Variants in FAM107B observed in about 807,000 individuals in gnomAD.
FAM107B encodes family with sequence similarity 107 member B.
A neutral mutation model predicts 31.5 loss-of-function variants in FAM107B; 21 were observed. The ratio of observed to expected loss-of-function variants is 0.67; its 90% CI spans 0.47 to 0.96. The LOEUF (loss-of-function observed/expected upper bound fraction) is 0.96. Among genes scored for constraint, FAM107B ranks in the 40% least tolerant of loss-of-function variants. FAM107B has a pLI of 0.00. For synonymous variants in FAM107B, 157 were observed against 141.5 expected, an observed-to-expected ratio of 1.11 and a Z score of -0.78; for missense variants, 452 against 377.1, an observed-to-expected ratio of 1.20 and a Z score of -1.64.
At chr10:14,724,937 T>C (rs1353770922) in intron 1 of FAM107B, among the ~76,000 whole-genome samples, 1 of 152,120 alleles carries the variant, frequency 6.6e-6, no homozygotes, top group Non-Finnish European at 1.5e-5. Flanking sequence ...AAAGTAAACA[T>C]TTGCAGAACC....
Position 14,520,012 on chromosome 10 carries a change from TGA to T in FAM107B, c.*1176_*1177del, listed in dbSNP as rs1434534891. 6.6e-6 allele frequency: 1 copy of T among 152,638 alleles called. No individual in the cohort carries two copies. The highest frequency in any genetic ancestry group is 1.5e-5 in the Non-Finnish European group (1 of 68,054). The allele number at this position is 152,638 out of a possible 1,614,324, so 9.5% of individuals were successfully genotyped here. A position where few individuals can be genotyped will look rare whatever the true frequency, so the allele number is the denominator to read the frequency against. ...CCCCTCCCTTCCCATCAGCTGTTCC[TGA>T]GAGATGCAATATAGTAGTCATCGAC... On this transcript the variant is annotated 3_prime_UTR_variant, in exon 5 of 5. Transcript: ENST00000181796.
At chr10:14,642,671 T>A (rs998331899) in intron 2 of FAM107B, among the ~76,000 whole-genome samples, 1 of 152,236 alleles carries the variant, frequency 6.6e-6, no homozygotes, top group African/African-American at 2.4e-5. Context: ...TTCTTGTTTC[T>A]TTTGGCTTAA....
At chr10:14,693,141 C>A (rs770332901) in intron 1 of FAM107B, among the ~76,000 whole-genome samples, 7 of 152,130 alleles carry the variant, frequency 4.6e-5, no homozygotes, top group Non-Finnish European at 7.4e-5. Flanking sequence ...AATTAGTCTA[C>A]CTCTGTGTGT....
intron 1 of FAM107B, among the ~76,000 whole-genome samples, chr10:14,744,390 T>C (rs1832684480): frequency 6.6e-6 from 1 of 152,160 alleles, no homozygotes; most frequent in African/African-American, 2.4e-5. Context: ...CTATGTTGAA[T>C]AGGAATGGTG....
At chr10:14,584,998 C>CTT (rs1851777703) in intron 2 of FAM107B, among the ~76,000 whole-genome samples, 1 of 152,142 alleles carries the variant, frequency 6.6e-6, no homozygotes, top group Non-Finnish European at 1.5e-5. Context: ...TGATTGCTCC[C>CTT]CTCTTGCTGA....
chr10:14,763,583 G>A (rs567313332), intron 1 of FAM107B, among the ~76,000 whole-genome samples: 140 of 152,296 alleles, frequency 9.2e-4, no homozygotes, highest in Non-Finnish European at 1.8e-3. Context: ...TACGCAGCCA[G>A]GTCAGAAGGG....
At chr10:14,765,423 C>T (rs948363880) in intron 1 of FAM107B, among the ~76,000 whole-genome samples, 1 of 152,164 alleles carries the variant, frequency 6.6e-6, no homozygotes, top group Non-Finnish European at 1.5e-5. Context: ...CAAGAAGCTG[C>T]CTCTCTCTTT....
chr10:14,585,595 A>G (rs1255118096), intron 2 of FAM107B, among the ~76,000 whole-genome samples: 2 of 152,226 alleles, frequency 1.3e-5, no homozygotes, highest in Non-Finnish European at 2.9e-5. Flanking sequence ...TAGCTTATCA[A>G]TGACAAAACA....
At chr10:14,597,621 G>A (rs1290799588) in intron 2 of FAM107B, among the ~76,000 whole-genome samples, 2 of 152,196 alleles carry the variant, frequency 1.3e-5, no homozygotes, top group Non-Finnish European at 2.9e-5. Context: ...CCCTGTGTCC[G>A]CATCTTGACA....
At chr10:14,526,906 CAGCTCACTGCA>C (rs1354988362) in intron 3 of FAM107B, among the ~76,000 whole-genome samples, 2 of 151,500 alleles carry the variant, frequency 1.3e-5, no homozygotes, top group Non-Finnish European at 2.9e-5. Context: ...GGCGCCATCT[CAGCTCACTGCA>C]AGCTCCGCCT....
chr10:14,543,731 A>G (rs981876876), intron 2 of FAM107B, among the ~76,000 whole-genome samples: 1 of 151,908 alleles, frequency 6.6e-6, no homozygotes, highest in Non-Finnish European at 1.5e-5. Context: ...CATATGGTGA[A>G]GCTTAACTGA....
chr10:14,527,456 G>A (rs1846407655), intron 3 of FAM107B, among the ~76,000 whole-genome samples: 1 of 152,218 alleles, frequency 6.6e-6, no homozygotes, highest in African/African-American at 2.4e-5. Flanking sequence ...AATGTAACTG[G>A]AAAAACTGAA....
chr10:14,604,432 G>A, intron 2 of FAM107B: 1 of 171,930 alleles, frequency 5.8e-6, no homozygotes, highest in Non-Finnish European at 1.1e-5. Context: ...TCCGAATTAA[G>A]CGGCGGGGCG....
At chr10:14,629,521 A>T (rs12355217) in intron 2 of FAM107B, among the ~76,000 whole-genome samples, 30,878 of 97,492 alleles carry the variant, frequency 0.32, 6,471 homozygotes, top group East Asian at 0.62. Context: ...ATATATATAT[A>T]TTTTTTTTTG....
chr10:14,630,723 A>G (rs1262500674), intron 2 of FAM107B, among the ~76,000 whole-genome samples: 1 of 151,822 alleles, frequency 6.6e-6, no homozygotes, highest in Non-Finnish European at 1.5e-5. Flanking sequence ...TGATGGCATT[A>G]GCCTGTAGTC....
chr10:14,521,809 C>A (rs1845667390), intron 4 of FAM107B, 60 bp downstream of exon 4: 1 of 1,585,564 alleles, frequency 6.3e-7, no homozygotes, highest in African/African-American at 1.4e-5. Context: ...CCCGCTCCAA[C>A]ACTCCAACAT....
intron 1 of FAM107B, among the ~76,000 whole-genome samples, chr10:14,741,735 T>C (rs1007168775): frequency 5.5e-5 from 8 of 146,574 alleles, no homozygotes; most frequent in African/African-American, 1.8e-4. Context: ...TTTTTTTTTT[T>C]TTTGAGATGG....
chr10:14,739,961 A>C (rs573602018), intron 1 of FAM107B, among the ~76,000 whole-genome samples: 1 of 152,336 alleles, frequency 6.6e-6, no homozygotes, highest in Non-Finnish European at 1.5e-5. Context: ...TTATGCACTG[A>C]CAACATCAAA....
chr10:14,687,309 T>C (rs1855014276), intron 1 of FAM107B, among the ~76,000 whole-genome samples: 1 of 152,156 alleles, frequency 6.6e-6, no homozygotes, highest in South Asian at 2.1e-4. Flanking sequence ...CTTTGCAACC[T>C]CACGGTCAAA....
Sources: gnomAD v4.1 joint callset for allele counts (sites outside exome capture counted in the v4.1 genomes callset) on GRCh38, gnomAD v4.1.1 for gene constraint, MANE v1.5 for transcripts, NCBI Gene and HGNC (gene_info 2026-07-23, HGNC 2026-07-21) for gene names.